Variants in RBFOX1 observed in about 807,000 individuals in gnomAD.
RBFOX1 encodes RNA binding fox-1 homolog 1.
In RBFOX1, 8 loss-of-function variants were observed where a neutral mutation model predicts 57.7. That is an observed-to-expected ratio of 0.14 (90% CI 0.08 to 0.25). RBFOX1 has a LOEUF of 0.25. Ranked by LOEUF, RBFOX1 falls within the 10% of genes least tolerant of loss-of-function variation. The pLI is 1.00. For synonymous variants in RBFOX1, 326 were observed against 222.4 expected, an observed-to-expected ratio of 1.47 and a Z score of -4.15; for missense variants, 611 against 548.5, an observed-to-expected ratio of 1.11 and a Z score of -1.14.
intron 3 of RBFOX1, among the ~76,000 whole-genome samples, chr16:5,674,485 G>T (rs2050108449): frequency 6.6e-6 from 1 of 152,120 alleles, no homozygotes; most frequent in African/African-American, 2.4e-5. Context: ...CAGAATCTAT[G>T]GGACTCTTCT....
intron 1 of RBFOX1, among the ~76,000 whole-genome samples, chr16:6,237,904 C>T (rs1055992231): frequency 5.9e-5 from 9 of 151,314 alleles, no homozygotes; most frequent in African/African-American, 2.2e-4. Flanking sequence ...TCATCCTGGT[C>T]AACATGTGAA....
intron 3 of RBFOX1, among the ~76,000 whole-genome samples, chr16:6,840,152 G>GCAC (rs1426988074): frequency 1.3e-5 from 2 of 152,068 alleles, no homozygotes; most frequent in Non-Finnish European, 2.9e-5. Flanking sequence ...AGATAATCAG[G>GCAC]CACCGTTTTG....
intron 2 of RBFOX1, among the ~76,000 whole-genome samples, chr16:5,499,736 C>T (rs572275432): frequency 1.3e-5 from 2 of 151,958 alleles, no homozygotes; most frequent in Non-Finnish European, 2.9e-5. Context: ...CCACGCCTGG[C>T]TAATGTTTGT....
intron 3 of RBFOX1, among the ~76,000 whole-genome samples, chr16:6,926,970 T>A (rs2075704142): frequency 6.6e-6 from 1 of 152,170 alleles, no homozygotes; most frequent in South Asian, 2.1e-4. Context: ...TACTCAGGCC[T>A]CTGCCAGCTT....
intron 2 of RBFOX1, among the ~76,000 whole-genome samples, chr16:6,385,486 A>G (rs1373020592): frequency 6.6e-6 from 1 of 152,176 alleles, no homozygotes; most frequent in African/African-American, 2.4e-5. Flanking sequence ...CTGCCTCCCC[A>G]GTAGCTGGGA....
In RBFOX1 at chr16:5,676,188, C is replaced by T. The variant is rs183584483; in HGVS notation, c.318+77227C>T. ...TGGGTTGATAGGTGTAGCAAACCAC[C>T]ATGGCACATGTATACCTATGCGACA... On this transcript the variant is annotated intron_variant, in intron 3 of 19. Transcript: ENST00000641259. Among the ~76,000 whole-genome samples, 251 of 152,004 alleles carry T rather than the reference C, an allele frequency of 1.7e-3. 2 individuals carry two copies. The highest frequency in any genetic ancestry group is 5.8e-3 in the African/African-American group (240 of 41,438).
chr16:6,837,532 C>A (rs1278849530), intron 3 of RBFOX1, among the ~76,000 whole-genome samples: 1 of 152,146 alleles, frequency 6.6e-6, no homozygotes, highest in Non-Finnish European at 1.5e-5. Context: ...ATTGGGAAGA[C>A]TATAATAAAA....
intron 4 of RBFOX1, among the ~76,000 whole-genome samples, chr16:7,506,468 T>G (rs2073334631): frequency 6.6e-6 from 1 of 152,156 alleles, no homozygotes. Flanking sequence ...TTATTGAATT[T>G]TGTATGCTTG....
intron 3 of RBFOX1, among the ~76,000 whole-genome samples, chr16:6,767,321 A>G (rs1170357809): frequency 1.3e-5 from 2 of 152,006 alleles, no homozygotes; most frequent in Non-Finnish European, 2.9e-5. Flanking sequence ...GACTGAACAC[A>G]TTGAGCCTGA....
At chr16:5,576,695 C>G (rs1013337192) in intron 2 of RBFOX1, among the ~76,000 whole-genome samples, 8 of 152,192 alleles carry the variant, frequency 5.3e-5, no homozygotes, top group African/African-American at 1.9e-4. Context: ...TCTTGCCTTT[C>G]CAGTGTAGAG....
chr16:7,687,227 TA>T (rs58070575), intron 14 of RBFOX1, among the ~76,000 whole-genome samples: 1 of 152,004 alleles, frequency 6.6e-6, no homozygotes, highest in Non-Finnish European at 1.5e-5. Flanking sequence ...ACAGGGCAGG[TA>T]AAAAATATGA....
intron 4 of RBFOX1, among the ~76,000 whole-genome samples, chr16:5,958,583 A>T (rs2059691493): frequency 1.3e-5 from 2 of 152,222 alleles, no homozygotes; most frequent in African/African-American, 2.4e-5. Context: ...AAATGAGATA[A>T]TACAGGTGTA....
Position 6,336,553 on chromosome 16 carries a change from A to C in RBFOX1, c.-64+19496A>C, listed in dbSNP as rs147266864. ...GTAGAGAGGGCTGGATTTATAATCTAGAGAGGGCTGGATGTTGATTCTAAA... is the reference window on the plus strand; with the variant it reads ...GTAGAGAGGGCTGGATTTATAATCTCGAGAGGGCTGGATGTTGATTCTAAA... On this transcript the variant is annotated intron_variant, in intron 2 of 15. Transcript: ENST00000550418. 9.8e-3 allele frequency among the ~76,000 whole-genome samples: 1,496 copies of C among 152,244 alleles called. 18 individuals are homozygous for C. Among genetic ancestry groups the C allele is most frequent in the African/African-American group, 0.034 (1,422 of 41,542 alleles).
At chr16:7,256,163 C>G (rs997368052) in intron 4 of RBFOX1, among the ~76,000 whole-genome samples, 3 of 152,134 alleles carry the variant, frequency 2.0e-5, no homozygotes, top group African/African-American at 7.2e-5. Context: ...AATCCGTGAC[C>G]TATTTTCAGT....
intron 2 of RBFOX1, among the ~76,000 whole-genome samples, chr16:5,551,612 C>A (rs1215334715): frequency 6.6e-6 from 1 of 152,130 alleles, no homozygotes; most frequent in Non-Finnish European, 1.5e-5. Context: ...CGGTGTGTGT[C>A]CCCTGGGCCT....
intron 1 of RBFOX1, among the ~76,000 whole-genome samples, chr16:5,365,618 G>A (rs11640835): frequency 0.19 from 29,067 of 152,064 alleles, 2,908 homozygotes; most frequent in Middle Eastern, 0.31. Context: ...GCAGTGAGCC[G>A]ATATCGTGCA....
At chr16:7,692,659 C>T (rs534122077) in intron 14 of RBFOX1, among the ~76,000 whole-genome samples, 2 of 152,110 alleles carry the variant, frequency 1.3e-5, no homozygotes, top group Non-Finnish European at 2.9e-5. Flanking sequence ...GGAAGTGTCA[C>T]AGTTGGAAAC....
chr16:6,870,141 A>T (rs1219249638), intron 3 of RBFOX1, among the ~76,000 whole-genome samples: 1 of 152,110 alleles, frequency 6.6e-6, no homozygotes, highest in East Asian at 1.9e-4. Context: ...TGGACCACCT[A>T]GTTTTCACAG....
At chr16:6,199,150 C>G (rs1035651431) in intron 1 of RBFOX1, among the ~76,000 whole-genome samples, 1 of 151,996 alleles carries the variant, frequency 6.6e-6, no homozygotes, top group Non-Finnish European at 1.5e-5. Context: ...TATTCATTTA[C>G]TTTTTGAACA....
Sources: allele counts gnomAD v4.1 joint callset (sites outside exome capture counted in the v4.1 genomes callset), GRCh38; gene constraint gnomAD v4.1.1; transcripts MANE v1.5; gene names NCBI Gene and HGNC (gene_info 2026-07-23, HGNC 2026-07-21).